PCNT: variants seen among roughly 807,000 people sequenced by gnomAD.
The protein encoded by PCNT is pericentrin.
In PCNT, 319 loss-of-function variants were observed where a neutral mutation model predicts 380.4. That is an observed-to-expected ratio of 0.84 (90% CI 0.77 to 0.92). PCNT has a LOEUF of 0.92. Among genes scored for constraint, PCNT ranks in the 40% least tolerant of loss-of-function variants. PCNT has a pLI of 0.00. For synonymous variants in PCNT, 1,845 were observed against 1,735.2 expected, an observed-to-expected ratio of 1.06 and a Z score of -1.57; for missense variants, 4,400 against 4,255.3, an observed-to-expected ratio of 1.03 and a Z score of -0.95.
chr21:46,409,863 G>A (rs749667012), intron 27 of PCNT, among the ~76,000 whole-genome samples: 13 of 152,150 alleles, frequency 8.5e-5, no homozygotes, highest in Non-Finnish European at 1.5e-4. Context: ...CAAAGTGCTG[G>A]GGTTACAGAC....
chr21:46,388,675 C>T lies in PCNT; in HGVS notation c.3465-67C>T. The T allele has an allele frequency of 1.3e-6, 2 of 1,597,594 alleles. No individual in the cohort carries two copies. Among genetic ancestry groups the T allele is most frequent in the Non-Finnish European group, 8.5e-7 (1 of 1,171,618 alleles). The stretch of plus-strand genomic sequence containing the variant: ...TGCAAACTGGTGGGCGGCCCCTCAG[C>T]AGCATCCAGGGTGGGGGTTCTTATG... On this transcript the variant is annotated intron_variant, in intron 17 of 46. Coordinates refer to ENST00000359568, the MANE Select transcript of PCNT (RefSeq NM_006031.6). This position sits in a 1 kb window ranked among gnomAD's most constrained non-coding sequence, Gnocchi z 4.2.
intron 31 of PCNT, among the ~76,000 whole-genome samples, chr21:46,419,835 T>A (rs943547048): frequency 2.0e-5 from 3 of 152,116 alleles, no homozygotes; most frequent in Middle Eastern, 3.2e-3. Context: ...CCACCTCCCG[T>A]ACTCAAGTCA....
chr21:46,387,976 T>A (rs1293640199), intron 17 of PCNT, among the ~76,000 whole-genome samples: 1 of 152,044 alleles, frequency 6.6e-6, no homozygotes. Flanking sequence ...TTTGGGAGGC[T>A]GAGGCGGGTG....
chr21:46,437,772 C>A (rs955380125), intron 40 of PCNT, among the ~76,000 whole-genome samples: 2 of 152,232 alleles, frequency 1.3e-5, no homozygotes, highest in African/African-American at 4.8e-5. Flanking sequence ...CACCCTGCCC[C>A]CTGTGTTGGG....
chr21:46,437,814 A>G lies in PCNT; in HGVS notation c.9100-350A>G, dbSNP rs533393666. Among the ~76,000 whole-genome samples, 5 of 152,316 alleles carry G rather than the reference A, an allele frequency of 3.3e-5. No homozygotes were observed. In the East Asian group the frequency reaches 9.6e-4, roughly 29 times the overall value. On this transcript the variant is annotated intron_variant, in intron 40 of 46. Coordinates refer to ENST00000359568, the MANE Select transcript of PCNT (RefSeq NM_006031.6). ...TGACCTTTCAGCGTGCCCACCCTCCACAGGCTGAACGTCCTTTTGATGGTG... is the reference window on the plus strand; with the variant it reads ...TGACCTTTCAGCGTGCCCACCCTCCGCAGGCTGAACGTCCTTTTGATGGTG...
intron 27 of PCNT, among the ~76,000 whole-genome samples, chr21:46,410,059 A>C (rs941673062): frequency 6.6e-6 from 1 of 152,270 alleles, no homozygotes; most frequent in Non-Finnish European, 1.5e-5. Context: ...GAAGCTGCGT[A>C]TAATCAGAAT....
chr21:46,403,334 G>A (rs1437135023), intron 27 of PCNT, among the ~76,000 whole-genome samples: 1 of 147,534 alleles, frequency 6.8e-6, no homozygotes, highest in African/African-American at 2.5e-5. Context: ...TTGTGTGTGT[G>A]TGGTGCCCAC....
chr21:46,390,546 C>T, intron 19 of PCNT, 124 bp from the exon 20 acceptor site: 1 of 1,000,598 alleles, frequency 1.0e-6, no homozygotes. Flanking sequence ...GTCACCCTGG[C>T]CTGGCCCTGC....
At chr21:46,422,931 A>G (rs1263159147) in intron 32 of PCNT, among the ~76,000 whole-genome samples, 1 of 152,132 alleles carries the variant, frequency 6.6e-6, no homozygotes, top group Admixed American at 6.5e-5. Flanking sequence ...GTGAGGACTT[A>G]CTGCATTCAG....
chr21:46,400,908 A>C (rs1262563960), intron 25 of PCNT, among the ~76,000 whole-genome samples: 2 of 152,168 alleles, frequency 1.3e-5, no homozygotes, highest in Admixed American at 6.5e-5. Context: ...CCGCTGTCGC[A>C]GGGAGGACCG....
At chr21:46,394,866 C>G (rs1475602626) in intron 21 of PCNT, among the ~76,000 whole-genome samples, 1 of 152,210 alleles carries the variant, frequency 6.6e-6, no homozygotes, top group East Asian at 1.9e-4. Flanking sequence ...CCCCCTGGAT[C>G]CCCTGTGCCT....
At chr21:46,353,843 C>T in intron 10 of PCNT, 144 bp from the exon 11 acceptor site, 1 of 734,600 alleles carries the variant, frequency 1.4e-6, no homozygotes, top group Non-Finnish European at 2.4e-6. Flanking sequence ...ACTGCCACGG[C>T]TCCCCGCACA....
At chr21:46,364,087 A>G (rs1295392814) in intron 14 of PCNT, among the ~76,000 whole-genome samples, 153 bp downstream of exon 14, 1 of 152,228 alleles carries the variant, frequency 6.6e-6, no homozygotes, top group Non-Finnish European at 1.5e-5. Context: ...CTAGGTTTTC[A>G]GCCTAATTGC....
intron 39 of PCNT, among the ~76,000 whole-genome samples, chr21:46,436,391 C>T (rs1443866564): frequency 7.0e-6 from 1 of 143,016 alleles, no homozygotes; most frequent in African/African-American, 2.5e-5. Flanking sequence ...TTCCATGTTC[C>T]TTTGAGGGTT....
intron 13 of PCNT, among the ~76,000 whole-genome samples, chr21:46,359,942 T>G (rs1193129585): frequency 6.8e-6 from 1 of 146,756 alleles, no homozygotes; most frequent in Non-Finnish European, 1.5e-5. Context: ...CTGCAACCTC[T>G]TCCTCCCAGG....
intron 3 of PCNT, among the ~76,000 whole-genome samples, chr21:46,336,560 C>A (rs1310187573): frequency 6.6e-6 from 1 of 152,150 alleles, no homozygotes; most frequent in Non-Finnish European, 1.5e-5. Context: ...TGTGACACTG[C>A]AAGTTGGTGC....
rs2086017523 is a variant in PCNT, at chr21:46,391,154, T to G, written c.4004-10T>G. 6.3e-7 allele frequency: 1 copy of G among 1,574,992 alleles called. No homozygotes were observed. On this transcript the variant is annotated splice_polypyrimidine_tract_variant and intron_variant, in intron 20 of 46. Transcript: ENST00000359568. ...CTGGCTTTGTCAGAGCATCTGTGTC[T>G]CCCACAAAGGTACCCTTGAGGGATT... is the stretch of plus-strand genomic sequence containing the variant.
In PCNT at chr21:46,429,475, C is replaced by T. The variant is rs530384796; in HGVS notation, c.7691-535C>T. On this transcript the variant is annotated intron_variant, in intron 35 of 46. Transcript: ENST00000359568. ...GGGGGGCCGGCACTGTGCGATCGCT[C>T]GTGAGGGGCATGGGGGTGGTGGGCC... Among the ~76,000 whole-genome samples, 824 of 135,834 alleles carry T rather than the reference C, an allele frequency of 6.1e-3. 7 individuals carry two copies. Among genetic ancestry groups the T allele is most frequent in the Non-Finnish European group, 9.7e-3 (624 of 64,148 alleles). The allele number at this position is 135,834 out of a possible 152,430, so 89.1% of individuals were successfully genotyped here. A position where few individuals can be genotyped will look rare whatever the true frequency, so the allele number is the denominator to read the frequency against.
In PCNT at chr21:46,427,608, C is replaced by G. The variant is rs1367780103; in HGVS notation, c.7321-14C>G. The stretch of plus-strand genomic sequence containing the variant: ...CATTTGTGAGGACGCCACGTTTCTT[C>G]CTTCTTCCTTTAGGAAGTGCCCACC... On this transcript the variant is annotated splice_polypyrimidine_tract_variant and intron_variant, in intron 33 of 46. Coordinates refer to ENST00000359568, the MANE Select transcript of PCNT (RefSeq NM_006031.6). The G allele has an allele frequency of 6.2e-7, 1 of 1,613,838 alleles. No individual in the cohort carries two copies. Among genetic ancestry groups the G allele is most frequent in the Non-Finnish European group, 8.5e-7 (1 of 1,180,004 alleles).
Sources: allele counts gnomAD v4.1 joint callset (sites outside exome capture counted in the v4.1 genomes callset), GRCh38; gene constraint gnomAD v4.1.1; non-coding constraint Gnocchi (gnomAD v3.1); transcripts MANE v1.5; gene names NCBI Gene and HGNC (gene_info 2026-07-23, HGNC 2026-07-21).